ZNF624: variants seen among roughly 807,000 people sequenced by gnomAD.
The protein encoded by ZNF624 is zinc finger protein 624.
In ZNF624, 43 loss-of-function variants were observed where a neutral mutation model predicts 74.7. The observed-to-expected ratio is 0.58, with a 90% CI of 0.45 to 0.74. ZNF624 has a LOEUF of 0.74. ZNF624 is among the 30% of genes least tolerant of loss of function. The probability of loss-of-function intolerance (pLI) is 0.00; values close to 1 mark genes in which losing one functional copy is unlikely to be tolerated. For missense variants in ZNF624, 820 were observed against 1,030.0 expected (o/e 0.80, Z 2.79); for synonymous variants, 331 against 341.3 (o/e 0.97, Z 0.33).
In ZNF624 at chr17:16,622,223, C is replaced by T. The variant is rs1908932412; in HGVS notation, c.*65G>A. Reference sequence around the variant, plus strand: ...TTCCTAATGAAGATTTTCCTATATTCATAAAATATAGTTTATAAGATTCAT... The same window carrying T: ...TTCCTAATGAAGATTTTCCTATATTTATAAAATATAGTTTATAAGATTCAT... On this transcript the variant is annotated 3_prime_UTR_variant, in exon 6 of 6. Coordinates refer to ENST00000311331, the MANE Select transcript of ZNF624 (RefSeq NM_020787.4). The T allele has an allele frequency of 4.0e-6, 5 of 1,252,500 alleles. No homozygotes were observed. The highest frequency in any genetic ancestry group is 5.4e-6 in the Non-Finnish European group (5 of 926,720). 77.6% of individuals were successfully genotyped at this position (1,252,500 alleles called of 1,614,324 possible). A position where few individuals can be genotyped will look rare whatever the true frequency, so the allele number is the denominator to read the frequency against.
chr17:16,634,366 C>A (rs1288577877), intron 4 of ZNF624, among the ~76,000 whole-genome samples: 1 of 152,180 alleles, frequency 6.6e-6, no homozygotes, highest in Non-Finnish European at 1.5e-5. Context: ...TCTAGAGGTA[C>A]TGATAACTTC....
intron 5 of ZNF624, among the ~76,000 whole-genome samples, chr17:16,625,627 C>T (rs1314197749): frequency 2.0e-5 from 3 of 152,126 alleles, no homozygotes; most frequent in African/African-American, 4.8e-5. Flanking sequence ...TCAAAAAGAA[C>T]TGAACAACAA....
At chr17:16,636,926 G>A (rs1170731766) in intron 3 of ZNF624, among the ~76,000 whole-genome samples, 1 of 152,110 alleles carries the variant, frequency 6.6e-6, no homozygotes, top group Non-Finnish European at 1.5e-5. Context: ...GTTTTCAAAG[G>A]GAATGTTTCC....
At chr17:16,636,025 A>G (rs1203355223) in intron 3 of ZNF624, among the ~76,000 whole-genome samples, 1 of 152,192 alleles carries the variant, frequency 6.6e-6, no homozygotes, top group Non-Finnish European at 1.5e-5. Flanking sequence ...ATACCCTGAC[A>G]TATTAAAAAG....
intron 5 of ZNF624, chr17:16,631,406 A>G (rs1468652452): frequency 1.3e-5 from 2 of 152,158 alleles, no homozygotes; most frequent in East Asian, 3.8e-4. Context: ...ATACAAGAAA[A>G]AGGACTAAAA....
chr17:16,629,227 T>G (rs1597492588), intron 5 of ZNF624, among the ~76,000 whole-genome samples: 2 of 139,364 alleles, frequency 1.4e-5, no homozygotes, highest in Non-Finnish European at 3.1e-5. Flanking sequence ...AAAAAATCTG[T>G]CTCTCTCTCT....
chr17:16,624,018 A>G lies in ZNF624; in HGVS notation c.868T>C (p.Leu290=). ...TCEKAFHYRS[L]LIQHQRTHTK... is the part of the protein sequence containing the mutation. Reference sequence around the variant, plus strand: ...TGAGTTCTTTGATGTTGAATGAGCAATGATCTATAATGAAAGGCCTTTTCG... The same window carrying G: ...TGAGTTCTTTGATGTTGAATGAGCAGTGATCTATAATGAAAGGCCTTTTCG... The change falls in exon 6 of 6, where the codon TTG becomes CTG. Residue 290 remains leucine, a synonymous_variant. Coordinates refer to ENST00000311331, the MANE Select transcript of ZNF624 (RefSeq NM_020787.4). 2.5e-6 allele frequency: 4 copies of G among 1,613,522 alleles called. No individual in the cohort carries two copies. Among genetic ancestry groups the G allele is most frequent in the Non-Finnish European group, 2.5e-6 (3 of 1,179,902 alleles).
At chr17:16,639,521 CATCT>C (rs1273215752) in intron 3 of ZNF624, among the ~76,000 whole-genome samples, 1 of 152,132 alleles carries the variant, frequency 6.6e-6, no homozygotes, top group African/African-American at 2.4e-5. Flanking sequence ...CCTCATCTCT[CATCT>C]ATAGCTTACC....
chr17:16,649,205 T>C (rs1022939216), intron 2 of ZNF624, among the ~76,000 whole-genome samples: 1 of 152,210 alleles, frequency 6.6e-6, no homozygotes, highest in African/African-American at 2.4e-5. Flanking sequence ...ATCTAATCAC[T>C]TCTTAATGAG....
At chr17:16,615,386 C>T in the ZNF624 span, among the ~76,000 whole-genome samples, 19 of 152,246 alleles carry the variant, frequency 1.2e-4, no homozygotes, top group South Asian at 2.1e-4. Context: ...CATGAGCCAC[C>T]GTGCCCAGCC....
rs1312712895 is a variant in ZNF624, at chr17:16,623,263, T to C, written c.1623A>G (p.Ser541=). ...GCATTCTGTGGTGTACAGTAAGGCA[T>C]GAATAATTAATGAATGCTTTCCCAC... ...NECGKAFINY[S]CLTVHHRMHT... The change falls in exon 6 of 6, where the codon TCA becomes TCG. Residue 541 remains serine, a synonymous_variant. Coordinates refer to ENST00000311331, the MANE Select transcript of ZNF624 (RefSeq NM_020787.4). This position sits in a 1 kb window ranked among gnomAD's most constrained non-coding sequence, Gnocchi z 5.3. The C allele has an allele frequency of 6.2e-7, 1 of 1,613,992 alleles. No individual in the cohort carries two copies. The highest frequency in any genetic ancestry group is 1.1e-5 in the South Asian group (1 of 91,078).
Position 16,623,356 on chromosome 17 carries a change from G to T in ZNF624, c.1530C>A (p.Asn510Lys). The T allele has an allele frequency of 1.2e-6, 2 of 1,613,446 alleles. No individual in the cohort carries two copies. Among genetic ancestry groups the T allele is most frequent in the Non-Finnish European group, 1.7e-6 (2 of 1,179,618 alleles). Reference protein sequence around the residue: ...YECNECGKAFNRIANFTEHQR... With the variant: ...YECNECGKAFKRIANFTEHQR... ...GATGTTCTGTGAAATTTGCGATGCG[G>T]TTGAATGCTTTCCCACATTCATTAC... is the stretch of plus-strand genomic sequence containing the variant. The change falls in exon 6 of 6, where the codon AAC (asparagine) becomes AAA (lysine). Residue 510 changes from asparagine to lysine, a missense_variant. Asn to Lys is a moderately conservative substitution (Grantham distance 94, BLOSUM62 0). Coordinates refer to ENST00000311331, the MANE Select transcript of ZNF624 (RefSeq NM_020787.4). The surrounding 1 kb of genome is among the most constrained non-coding windows in gnomAD (Gnocchi z 5.3).
rs773321262 is a variant in ZNF624 at position 16,624,469 on chromosome 17, T to A, written c.417A>T (p.Thr139=). 1.3e-6 allele frequency: 2 copies of A among 1,593,164 alleles called. No homozygotes were observed. The highest frequency in any genetic ancestry group is 1.2e-5 in the South Asian group (1 of 86,334). The change falls in exon 6 of 6, where the codon ACA becomes ACT. Residue 139 remains threonine (T), a synonymous_variant. Transcript: ENST00000311331. ...GTGATAAATCTTCAGAAATAGCCTTTGTTCGTGTAGCCTTCTTGGTTGCAG... is the reference window on the plus strand; with the variant it reads ...GTGATAAATCTTCAGAAATAGCCTTAGTTCGTGTAGCCTTCTTGGTTGCAG... ...PKPATKKATR[T]KAISEDLSQE...
intron 2 of ZNF624, among the ~76,000 whole-genome samples, chr17:16,648,030 G>C (rs1909634762): frequency 6.6e-6 from 1 of 151,946 alleles, no homozygotes; most frequent in Non-Finnish European, 1.5e-5. Flanking sequence ...CTGCCTCCCA[G>C]GTTCAAGTGA....
chr17:16,642,400 G>T (rs1016237239), intron 3 of ZNF624, among the ~76,000 whole-genome samples: 4 of 152,110 alleles, frequency 2.6e-5, no homozygotes, highest in African/African-American at 4.8e-5. Flanking sequence ...TTTAATAAGG[G>T]TACTAAGACA....
At chr17:16,647,201 AGCCCTGGG>A in intron 3 of ZNF624, 120 bp downstream of exon 3, 1 of 813,632 alleles carries the variant, frequency 1.2e-6, no homozygotes, top group Non-Finnish European at 2.1e-6. Flanking sequence ...TGATGCCACC[AGCCCTGGG>A]GCTACCACAC....
At chr17:16,641,293 T>C (rs189637359) in intron 3 of ZNF624, among the ~76,000 whole-genome samples, 124 of 151,900 alleles carry the variant, frequency 8.2e-4, no homozygotes, top group African/African-American at 2.8e-3. Flanking sequence ...CTCTCTCTCT[T>C]TTTTTTTGGA....
chr17:16,641,554 G>A (rs921500500), intron 3 of ZNF624, among the ~76,000 whole-genome samples: 1 of 152,196 alleles, frequency 6.6e-6, no homozygotes, highest in African/African-American at 2.4e-5. Flanking sequence ...AAAGTGCTGG[G>A]ATTACAGGCA....
intron 5 of ZNF624, among the ~76,000 whole-genome samples, chr17:16,630,659 A>G (rs569566065): frequency 2.6e-5 from 4 of 152,336 alleles, no homozygotes; most frequent in African/African-American, 9.6e-5. Flanking sequence ...GATATACTAT[A>G]CAAATAACAA....
Sources: allele counts gnomAD v4.1 joint callset (sites outside exome capture counted in the v4.1 genomes callset), GRCh38; gene constraint gnomAD v4.1.1; non-coding constraint Gnocchi (gnomAD v3.1); transcripts MANE v1.5; gene names NCBI Gene and HGNC (gene_info 2026-07-23, HGNC 2026-07-21).